CDH18: variants seen among roughly 807,000 people sequenced by gnomAD.
CDH18 encodes cadherin-18.
In CDH18, 31 loss-of-function variants were observed where a neutral mutation model predicts 67.9. The observed-to-expected ratio is 0.46, with a 90% confidence interval of 0.34 to 0.62. The LOEUF is 0.62. CDH18 is among the 20% of genes least tolerant of loss of function. The pLI, the probability that CDH18 is intolerant of heterozygous loss-of-function variation, is 0.01. For synonymous variants in CDH18, 362 were observed against 347.2 expected, an observed-to-expected ratio of 1.04 and a Z score of -0.48; for missense variants, 890 against 975.5, an observed-to-expected ratio of 0.91 and a Z score of 1.17.
intron 2 of CDH18, among the ~76,000 whole-genome samples, chr5:20,066,896 A>G (rs755503158): frequency 6.6e-6 from 1 of 151,916 alleles, no homozygotes; most frequent in African/African-American, 2.4e-5. Flanking sequence ...CCCTTAGAAA[A>G]TGGGCTAAAT....
intron 3 of CDH18, among the ~76,000 whole-genome samples, chr5:19,827,178 C>T (rs1442981850): frequency 6.6e-6 from 1 of 152,048 alleles, no homozygotes; most frequent in African/African-American, 2.4e-5. Context: ...AACAAGCAGA[C>T]TTAACTATCT....
At chr5:19,872,018 T>C (rs1205579625) in intron 2 of CDH18, among the ~76,000 whole-genome samples, 1 of 152,198 alleles carries the variant, frequency 6.6e-6, no homozygotes, top group Non-Finnish European at 1.5e-5. Context: ...GTGAACCAAA[T>C]CCTTTCATTT....
chr5:20,445,410 CATA>C (rs1017441007), intron 1 of CDH18, among the ~76,000 whole-genome samples: 2 of 152,048 alleles, frequency 1.3e-5, no homozygotes, highest in African/African-American at 4.8e-5. Flanking sequence ...AATTCTTGGT[CATA>C]ATAATACTTT....
At chr5:20,161,698 G>A (rs952479276) in intron 2 of CDH18, among the ~76,000 whole-genome samples, 2 of 151,990 alleles carry the variant, frequency 1.3e-5, no homozygotes, top group African/African-American at 4.8e-5. Context: ...TCTCATTTAT[G>A]TTGTCTTATT....
intron 1 of CDH18, among the ~76,000 whole-genome samples, chr5:20,534,862 G>A (rs529279069): frequency 2.0e-5 from 2 of 99,910 alleles, no homozygotes; most frequent in East Asian, 3.2e-4. Flanking sequence ...TTTATTTAGA[G>A]TCAGGGTCTT....
chr5:20,432,228 G>A (rs924256756), intron 1 of CDH18, among the ~76,000 whole-genome samples: 1 of 152,066 alleles, frequency 6.6e-6, no homozygotes, highest in African/African-American at 2.4e-5. Context: ...AGGTGTCAGC[G>A]CCTTAATTTC....
chr5:19,658,208 T>A (rs942458115), intron 5 of CDH18, among the ~76,000 whole-genome samples: 4 of 152,104 alleles, frequency 2.6e-5, no homozygotes, highest in Non-Finnish European at 4.4e-5. Context: ...ATTATCCTTT[T>A]TATATGTAAC....
intron 2 of CDH18, among the ~76,000 whole-genome samples, chr5:20,239,286 C>A: frequency 6.6e-6 from 1 of 152,038 alleles, no homozygotes; most frequent in East Asian, 1.9e-4. Flanking sequence ...GAAGCCCCAT[C>A]TCTACTAAAA....
chr5:20,423,240 C>G (rs1000851891), intron 1 of CDH18, among the ~76,000 whole-genome samples: 2 of 151,230 alleles, frequency 1.3e-5, no homozygotes, highest in Admixed American at 1.3e-4. Flanking sequence ...CAGAAAAGCT[C>G]AATGCCTTTT....
At chr5:19,702,585 G>C (rs1336010263) in intron 5 of CDH18, among the ~76,000 whole-genome samples, 1 of 151,952 alleles carries the variant, frequency 6.6e-6, no homozygotes, top group Admixed American at 6.5e-5. Flanking sequence ...GGCCAACATA[G>C]TAAAACCCCG....
chr5:19,894,634 T>C (rs1789112867), intron 2 of CDH18, among the ~76,000 whole-genome samples: 1 of 152,154 alleles, frequency 6.6e-6, no homozygotes, highest in African/African-American at 2.4e-5. Flanking sequence ...AGAAACCATA[T>C]GTGCATTGTG....
At chr5:20,189,762 T>G (rs980097981) in intron 2 of CDH18, among the ~76,000 whole-genome samples, 2 of 152,162 alleles carry the variant, frequency 1.3e-5, no homozygotes, top group Admixed American at 6.6e-5. Context: ...GTTGAATTTT[T>G]TATCTTTCAG....
At chr5:20,295,279 G>T (rs1747398368) in intron 1 of CDH18, among the ~76,000 whole-genome samples, 1 of 152,144 alleles carries the variant, frequency 6.6e-6, no homozygotes, top group South Asian at 2.1e-4. Context: ...ATCTCTGGGA[G>T]CCAGCTATAA....
intron 2 of CDH18, among the ~76,000 whole-genome samples, chr5:19,878,496 T>C (rs1787283619): frequency 6.6e-6 from 1 of 152,144 alleles, no homozygotes. Flanking sequence ...GAATGTTGTC[T>C]GCTTCCTGAG....
chr5:19,663,241 AT>A (rs1413111199), intron 5 of CDH18, among the ~76,000 whole-genome samples: 2 of 151,972 alleles, frequency 1.3e-5, no homozygotes, highest in Non-Finnish European at 2.9e-5. Flanking sequence ...GAGAAAAAAA[AT>A]GTTCTATCCC....
intron 1 of CDH18, among the ~76,000 whole-genome samples, chr5:20,334,131 CTTTTT>C (rs34609844): frequency 6.1e-5 from 5 of 81,650 alleles, no homozygotes; most frequent in Non-Finnish European, 6.8e-5. Context: ...GACTTGAATT[CTTTTT>C]TTTTTTTTTT....
At chr5:20,571,771 T>C (rs796306895) in intron 1 of CDH18, among the ~76,000 whole-genome samples, 13 of 152,260 alleles carry the variant, frequency 8.5e-5, no homozygotes, top group African/African-American at 2.6e-4. Context: ...AACTCCATGA[T>C]TCATTGCTTA....
intron 1 of CDH18, among the ~76,000 whole-genome samples, chr5:20,488,001 A>T (rs572556505): frequency 7.2e-5 from 11 of 152,004 alleles, no homozygotes; most frequent in African/African-American, 2.4e-4. Context: ...GCGATGGCCC[A>T]TCTCTCAGTG....
At chr5:19,563,057 T>A (rs750276492) in intron 8 of CDH18, among the ~76,000 whole-genome samples, 7 of 152,152 alleles carry the variant, frequency 4.6e-5, no homozygotes, top group Non-Finnish European at 7.4e-5. Flanking sequence ...AGTAAACCCA[T>A]AAAAGGGAAG....
Sources: gnomAD v4.1 joint callset for allele counts (sites outside exome capture counted in the v4.1 genomes callset) on GRCh38, gnomAD v4.1.1 for gene constraint, MANE v1.5 for transcripts, NCBI Gene and HGNC (gene_info 2026-07-23, HGNC 2026-07-21) for gene names.